KCNAB1: variants seen among roughly 807,000 people sequenced by gnomAD.
KCNAB1 encodes the protein potassium voltage-gated channel subfamily A regulatory beta subunit 1, also known as voltage-gated potassium channel subunit beta-1.
Under a neutral mutation model 64.6 loss-of-function variants are expected in KCNAB1, and 35 were observed. The observed-to-expected ratio is 0.54, with a 90% confidence interval of 0.41 to 0.72. The LOEUF (loss-of-function observed/expected upper bound fraction) is 0.72, where lower values mean the gene tolerates loss of function less well. Ranked by LOEUF, KCNAB1 falls within the 30% of genes least tolerant of loss-of-function variation. The probability of loss-of-function intolerance (pLI) is 0.00; values close to 1 mark genes in which losing one functional copy is unlikely to be tolerated. For missense variants in KCNAB1, 401 were observed against 512.9 expected (o/e 0.78, Z 2.11); for synonymous variants, 177 against 183.8 (o/e 0.96, Z 0.30).
chr3:156,414,031 T>A (rs115725054), intron 1 of KCNAB1, among the ~76,000 whole-genome samples: 1,872 of 152,338 alleles, frequency 0.012, 18 homozygotes, highest in South Asian at 0.031. Flanking sequence ...TACTTTTGAT[T>A]AAGTGTATGT....
At chr3:156,234,699 A>T (rs1903854) in intron 1 of KCNAB1, among the ~76,000 whole-genome samples, 9,519 of 152,184 alleles carry the variant, frequency 0.063, 403 homozygotes, top group Non-Finnish European at 0.094. Flanking sequence ...GATTAATGTC[A>T]TGAATTTAAA....
At chr3:156,192,499 A>T (rs1310648190) in intron 1 of KCNAB1, among the ~76,000 whole-genome samples, 1 of 152,202 alleles carries the variant, frequency 6.6e-6, no homozygotes, top group Non-Finnish European at 1.5e-5. Context: ...AGGTCAAACG[A>T]TAAACTGGTG....
At chr3:156,234,974 G>A (rs918294449) in intron 1 of KCNAB1, among the ~76,000 whole-genome samples, 7 of 152,234 alleles carry the variant, frequency 4.6e-5, no homozygotes, top group Non-Finnish European at 7.4e-5. Flanking sequence ...ATTTCTTCAT[G>A]TGAATACTCA....
chr3:156,241,845 A>G (rs2108449717), intron 1 of KCNAB1, among the ~76,000 whole-genome samples: 1 of 152,304 alleles, frequency 6.6e-6, no homozygotes, highest in African/African-American at 2.4e-5. Flanking sequence ...TGGGAAATAA[A>G]TTTTTAAAAA....
At chr3:156,227,389 A>T (rs945509039) in intron 1 of KCNAB1, among the ~76,000 whole-genome samples, 13 of 152,252 alleles carry the variant, frequency 8.5e-5, no homozygotes, top group African/African-American at 3.1e-4. Context: ...AAGTGTTTGA[A>T]ATCACAATCA....
chr3:156,144,705 G>T (rs539427380), intron 1 of KCNAB1, among the ~76,000 whole-genome samples: 1 of 152,318 alleles, frequency 6.6e-6, no homozygotes, highest in Non-Finnish European at 1.5e-5. Context: ...TGATGGTGAT[G>T]TGAACACAGA....
At chr3:156,270,098 A>G (rs2108490554) in intron 1 of KCNAB1, among the ~76,000 whole-genome samples, 1 of 151,864 alleles carries the variant, frequency 6.6e-6, no homozygotes, top group East Asian at 1.9e-4. Context: ...TGTATTTTTT[A>G]GTAGAGACGA....
Position 156,265,600 on chromosome 3 carries a change from A to G in KCNAB1, c.275+144714A>G, listed in dbSNP as rs536630543. ...GGTATGGGCAGGCTCACCTGCCCTT[A>G]TTTGATTTATGGGAATTCTTCTATT... On this transcript the variant is annotated intron_variant, in intron 1 of 13. Coordinates refer to ENST00000490337, the MANE Select transcript of KCNAB1 (RefSeq NM_172160.3). Among the ~76,000 whole-genome samples the G allele has an allele frequency of 5.3e-5, 8 of 152,254 alleles. No individual in the cohort carries two copies. The East Asian group carries it at 5.8e-4, about 11-fold the overall frequency.
chr3:156,244,332 T>C (rs926735664), intron 1 of KCNAB1, among the ~76,000 whole-genome samples: 3 of 152,214 alleles, frequency 2.0e-5, no homozygotes, highest in African/African-American at 4.8e-5. Context: ...TCTCACTTTC[T>C]TCCTCTTGTC....
intron 1 of KCNAB1, among the ~76,000 whole-genome samples, chr3:156,365,252 G>A (rs1296699334): frequency 6.6e-6 from 1 of 152,202 alleles, no homozygotes; most frequent in Non-Finnish European, 1.5e-5. Context: ...TGGGAAAAAT[G>A]GAGATGCTGG....
intron 1 of KCNAB1, among the ~76,000 whole-genome samples, chr3:156,285,323 G>A (rs1448999453): frequency 6.6e-6 from 1 of 152,000 alleles, no homozygotes; most frequent in Admixed American, 6.5e-5. Flanking sequence ...TCTAACATAA[G>A]ACAATGGCAA....
intron 1 of KCNAB1, among the ~76,000 whole-genome samples, chr3:156,212,032 G>A (rs1053084753): frequency 6.6e-6 from 1 of 152,184 alleles, no homozygotes; most frequent in African/African-American, 2.4e-5. Flanking sequence ...TGATGATACT[G>A]ATGAGCTCTT....
intron 8 of KCNAB1, among the ~76,000 whole-genome samples, chr3:156,500,273 G>T (rs1228398143): frequency 6.6e-6 from 1 of 152,208 alleles, no homozygotes; most frequent in African/African-American, 2.4e-5. Flanking sequence ...CCTGGGGATA[G>T]CAGAGTGGAG....
At chr3:156,420,257 C>A (rs1202459781) in intron 1 of KCNAB1, among the ~76,000 whole-genome samples, 3 of 152,236 alleles carry the variant, frequency 2.0e-5, no homozygotes, top group African/African-American at 7.2e-5. Flanking sequence ...GACATCAACG[C>A]TACATCTTCC....
intron 8 of KCNAB1, among the ~76,000 whole-genome samples, chr3:156,489,566 A>C (rs2108348893): frequency 6.6e-6 from 1 of 152,288 alleles, no homozygotes; most frequent in East Asian, 1.9e-4. Flanking sequence ...CCTCTGACTC[A>C]CAGTTTCCTA....
At chr3:156,296,106 TA>T (rs1346441034) in intron 1 of KCNAB1, among the ~76,000 whole-genome samples, 5 of 152,224 alleles carry the variant, frequency 3.3e-5, no homozygotes, top group Admixed American at 2.6e-4. Context: ...TACACTGTGT[TA>T]GTTTGGTGTA....
intron 1 of KCNAB1, among the ~76,000 whole-genome samples, chr3:156,292,462 T>A (rs1720498626): frequency 6.6e-6 from 1 of 152,226 alleles, no homozygotes; most frequent in South Asian, 2.1e-4. Context: ...TTTGTTCTAT[T>A]TTATGATAAA....
At chr3:156,273,428 T>G in intron 1 of KCNAB1, 1 of 358,204 alleles carries the variant, frequency 2.8e-6, no homozygotes, top group South Asian at 2.1e-5. Context: ...TGGCTAGGCC[T>G]GGTCTAAATG....
Position 156,507,625 on chromosome 3 carries a change from T to A in KCNAB1, c.659-6739T>A, listed in dbSNP as rs558093742. ...CCTCTAAGCTTCAAAGCAGTACAGT[T>A]ATAAACCACCACCACCACAAGCTTC... On this transcript the variant is annotated intron_variant, in intron 8 of 13. Coordinates refer to ENST00000490337, the MANE Select transcript of KCNAB1 (RefSeq NM_172160.3). Among the ~76,000 whole-genome samples the A allele has an allele frequency of 3.3e-5, 5 of 152,342 alleles. No homozygotes were observed. The South Asian group carries it at 1.0e-3, about 32-fold the overall frequency.
Sources: allele counts gnomAD v4.1 joint callset (sites outside exome capture counted in the v4.1 genomes callset), GRCh38; gene constraint gnomAD v4.1.1; transcripts MANE v1.5; gene names NCBI Gene and HGNC (gene_info 2026-07-23, HGNC 2026-07-21).